Variants in ARHGAP42 observed in about 807,000 individuals in gnomAD.
ARHGAP42 encodes rho GTPase-activating protein 42.
In ARHGAP42, 63 loss-of-function variants were observed where a neutral mutation model predicts 125.0. That is an observed-to-expected ratio of 0.50 (90% CI 0.41 to 0.62). The LOEUF is 0.62. Ranked by LOEUF, ARHGAP42 falls within the 20% of genes least tolerant of loss-of-function variation. The probability of loss-of-function intolerance (pLI) is 0.00; values close to 1 mark genes in which losing one functional copy is unlikely to be tolerated. For synonymous variants in ARHGAP42, 339 were observed against 351.0 expected (o/e 0.97, Z 0.38); for missense variants, 766 against 1,024.2 (o/e 0.75, Z 3.44).
At chr11:100,840,931 G>A (rs552607201) in intron 3 of ARHGAP42, among the ~76,000 whole-genome samples, 4 of 151,994 alleles carry the variant, frequency 2.6e-5, no homozygotes, top group African/African-American at 7.2e-5. Context: ...ATCTTCTTTG[G>A]GCTTCAGTCT....
At chr11:100,830,964 G>A in intron 3 of ARHGAP42, among the ~76,000 whole-genome samples, 1 of 151,966 alleles carries the variant, frequency 6.6e-6, no homozygotes, top group East Asian at 1.9e-4. Flanking sequence ...ACGGGGTGAG[G>A]GAAAGATGGG....
At position 100,776,335 on chromosome 11, in the gene ARHGAP42, C is replaced by A. The variant is rs114013028; in HGVS notation, c.250+5897C>A. Among the ~76,000 whole-genome samples the A allele has an allele frequency of 2.5e-3, 375 of 152,250 alleles. 1 individual carries two copies. Among genetic ancestry groups the A allele is most frequent in the African/African-American group, 8.7e-3 (361 of 41,552 alleles). Reference sequence around the variant, plus strand: ...GTGATGTTGTGTGATGACCTAGACTCTCAGGAAAGTCTTGAACAGTATGAG... The same window carrying A: ...GTGATGTTGTGTGATGACCTAGACTATCAGGAAAGTCTTGAACAGTATGAG... On this transcript the variant is annotated intron_variant, in intron 2 of 23. Transcript: ENST00000298815.
intron 3 of ARHGAP42, among the ~76,000 whole-genome samples, chr11:100,850,274 G>A (rs1041452630): frequency 8.5e-5 from 13 of 152,300 alleles, no homozygotes; most frequent in Middle Eastern, 3.4e-3. Context: ...CGTAGGCTAC[G>A]TGGTTCCACT....
chr11:100,699,506 ATTTTTTTTTTTTTTTTTTTTTTTT>A (rs869243290), intron 1 of ARHGAP42, among the ~76,000 whole-genome samples: 2 of 31,742 alleles, frequency 6.3e-5, no homozygotes, highest in African/African-American at 2.9e-4. Flanking sequence ...ATATATATAT[ATTTTTTTTTTTTTTTTTTTTTTTT>A]TTTTTTTTTG....
At chr11:100,963,669 C>G (rs898351218) in intron 16 of ARHGAP42, among the ~76,000 whole-genome samples, 1 of 152,166 alleles carries the variant, frequency 6.6e-6, no homozygotes, top group Non-Finnish European at 1.5e-5. Context: ...TCCACTCTAC[C>G]TCCTCTTCAT....
At chr11:100,909,828 C>T (rs1448774711) in intron 4 of ARHGAP42, among the ~76,000 whole-genome samples, 1 of 152,138 alleles carries the variant, frequency 6.6e-6, no homozygotes, top group Non-Finnish European at 1.5e-5. Flanking sequence ...TTTCAAAGAT[C>T]AGTTGGTTGT....
At chr11:100,724,913 A>C (rs1861828612) in intron 1 of ARHGAP42, among the ~76,000 whole-genome samples, 1 of 151,872 alleles carries the variant, frequency 6.6e-6, no homozygotes, top group African/African-American at 2.4e-5. Flanking sequence ...CAGAAGCTTA[A>C]TTAATGCTTT....
At chr11:100,724,836 C>A (rs890040284) in intron 1 of ARHGAP42, among the ~76,000 whole-genome samples, 12 of 150,092 alleles carry the variant, frequency 8.0e-5, no homozygotes. Context: ...CTTTTTATTT[C>A]TTTTTTTTTA....
rs1322409130 is a variant in ARHGAP42 at position 100,976,827 on chromosome 11, A to T, written c.2249A>T (p.Tyr750Phe). The T allele has an allele frequency of 6.4e-7, 1 of 1,550,482 alleles. No individual in the cohort carries two copies. Among genetic ancestry groups the T allele is most frequent in the East Asian group, 2.4e-5 (1 of 40,906 alleles). ...GCTTTCTTTTTAGGAAACAAGAGCT[A>T]CAGTGGATCTATTCAAAGCTTAACT... ...SISAAEGNKSYSGSIQSLTSV... is the reference protein window; with the variant it reads ...SISAAEGNKSFSGSIQSLTSV... Residue 750 changes from tyrosine to phenylalanine, a missense_variant, in exon 21 of 24, where the codon TAC (tyrosine) becomes TTC (phenylalanine). Physicochemically the swap from Tyr to Phe is conservative, Grantham distance 22. Coordinates refer to ENST00000298815, the MANE Select transcript of ARHGAP42 (RefSeq NM_152432.4).
At chr11:100,862,899 G>GAA (rs34629248) in intron 4 of ARHGAP42, among the ~76,000 whole-genome samples, 21,466 of 151,560 alleles carry the variant, frequency 0.14, 1,717 homozygotes, top group African/African-American at 0.23. Flanking sequence ...TAGCCAGGCG[G>GAA]GGTGGTGCAT....
At chr11:100,968,865 GAA>G (rs1302294628) in intron 17 of ARHGAP42, among the ~76,000 whole-genome samples, 2 of 151,888 alleles carry the variant, frequency 1.3e-5, no homozygotes, top group Non-Finnish European at 2.9e-5. Flanking sequence ...TTAAAATCAA[GAA>G]AAGGAAGGAG....
At position 100,992,566 on chromosome 11, in the gene ARHGAP42, C is replaced by T. The variant is rs544581252; in HGVS notation, c.*3765C>T. On this transcript the variant is annotated 3_prime_UTR_variant, in exon 24 of 24. Coordinates refer to ENST00000298815, the MANE Select transcript of ARHGAP42 (RefSeq NM_152432.4). ...TCCTGTTGATTCGCAGATGTAATAT[C>T]GAGTATTCATCAACTGGTCTCAATT... is the stretch of plus-strand genomic sequence containing the variant. 9.3e-6 allele frequency: 15 copies of T among 1,614,062 alleles called. No individual in the cohort carries two copies. The East Asian group carries it at 1.1e-4, about 12-fold the overall frequency.
rs61890799 is a variant in ARHGAP42 at position 100,839,049 on chromosome 11, A to G, written c.313-20505A>G. Among the ~76,000 whole-genome samples, 135 of 152,162 alleles carry G rather than the reference A, an allele frequency of 8.9e-4. 1 individual carries two copies. Among genetic ancestry groups the G allele is most frequent in the Non-Finnish European group, 1.2e-3 (80 of 68,014 alleles). On this transcript the variant is annotated intron_variant, in intron 3 of 23. Transcript: ENST00000298815. ...TTCTATGTATTATGTGCTCTAGTATATATACTGCATATCATCTACAGAACA... is the reference window on the plus strand; with the variant it reads ...TTCTATGTATTATGTGCTCTAGTATGTATACTGCATATCATCTACAGAACA...
intron 14 of ARHGAP42, 26 bp downstream of exon 14, chr11:100,961,015 A>C (rs768420226): frequency 1.3e-6 from 2 of 1,490,678 alleles, no homozygotes; most frequent in Admixed American, 4.2e-5. Context: ...AGCAACTTAC[A>C]TAATTTTTGT....
chr11:100,771,482 T>C (rs946301037), intron 2 of ARHGAP42, among the ~76,000 whole-genome samples: 5 of 152,182 alleles, frequency 3.3e-5, no homozygotes, highest in Admixed American at 3.3e-4. Context: ...AATATTTATG[T>C]ATATTTTAGA....
At chr11:100,796,777 T>C (rs1301976285) in intron 3 of ARHGAP42, among the ~76,000 whole-genome samples, 1 of 149,914 alleles carries the variant, frequency 6.7e-6, no homozygotes, top group Admixed American at 6.6e-5. Flanking sequence ...TCTTTTTTTT[T>C]TTTTTTTTTT....
At chr11:100,887,224 A>G (rs1307979232) in intron 4 of ARHGAP42, among the ~76,000 whole-genome samples, 2 of 152,176 alleles carry the variant, frequency 1.3e-5, no homozygotes, top group Non-Finnish European at 2.9e-5. Context: ...TGTCATCTCT[A>G]CTATGGACCC....
At chr11:100,970,713 C>T (rs1400573309) in intron 17 of ARHGAP42, among the ~76,000 whole-genome samples, 2 of 152,138 alleles carry the variant, frequency 1.3e-5, no homozygotes, top group African/African-American at 2.4e-5. Flanking sequence ...TCTACCCCCT[C>T]TGGGTAAAAT....
At chr11:100,966,252 A>G (rs1206784626) in intron 17 of ARHGAP42, among the ~76,000 whole-genome samples, 1 of 152,108 alleles carries the variant, frequency 6.6e-6, no homozygotes, top group Admixed American at 6.5e-5. Flanking sequence ...TTATTCATAT[A>G]TTTACCATCT....
Sources: allele counts gnomAD v4.1 joint callset (sites outside exome capture counted in the v4.1 genomes callset), GRCh38; gene constraint gnomAD v4.1.1; transcripts MANE v1.5; gene names NCBI Gene and HGNC (gene_info 2026-07-23, HGNC 2026-07-21).